The following TCAIM variants were observed in gnomAD, a reference collection of about 807,000 sequenced individuals.
TCAIM encodes the protein T cell activation inhibitor, mitochondrial.
TCAIM carries 36 observed loss-of-function variants against 58.6 expected under a neutral mutation model. The ratio of observed to expected loss-of-function variants is 0.61; its 90% CI spans 0.47 to 0.81. The LOEUF (loss-of-function observed/expected upper bound fraction) is 0.81, where lower values mean the gene tolerates loss of function less well. TCAIM is among the 30% of genes least tolerant of loss of function. The pLI, the probability that TCAIM is intolerant of heterozygous loss-of-function variation, is 0.00. For synonymous variants in TCAIM, 172 were observed against 193.6 expected, an observed-to-expected ratio of 0.89 and a Z score of 0.93; for missense variants, 466 against 579.6, an observed-to-expected ratio of 0.80 and a Z score of 2.01.
chr3:44,374,905 A>T (rs1403244638), intron 5 of TCAIM, among the ~76,000 whole-genome samples: 3 of 152,196 alleles, frequency 2.0e-5, no homozygotes, highest in African/African-American at 7.2e-5. Context: ...TTTTAACTTT[A>T]TTGTAATTTG....
At position 44,372,344 on chromosome 3, in the gene TCAIM, C is replaced by G. The variant is rs570708544; in HGVS notation, c.572+4636C>G. Among the ~76,000 whole-genome samples the G allele has an allele frequency of 2.3e-4, 35 of 152,300 alleles. 1 individual carries two copies. In the Middle Eastern group the frequency reaches 0.024, roughly 104 times the overall value. Reference sequence around the variant, plus strand: ...CAAGTGACTGCCTAGTAGAGAGATTCATGGTGCCTATAAGTCTACTAAAAC... The same window carrying G: ...CAAGTGACTGCCTAGTAGAGAGATTGATGGTGCCTATAAGTCTACTAAAAC... On this transcript the variant is annotated intron_variant, in intron 5 of 10. Transcript: ENST00000342649.
intron 5 of TCAIM, among the ~76,000 whole-genome samples, chr3:44,373,710 TA>T (rs1295238563): frequency 6.6e-6 from 1 of 152,094 alleles, no homozygotes; most frequent in East Asian, 1.9e-4. Context: ...GAAAATTATA[TA>T]AAATTATAAA....
chr3:44,378,128 C>T (rs1010459970), intron 5 of TCAIM, among the ~76,000 whole-genome samples: 1 of 152,114 alleles, frequency 6.6e-6, no homozygotes, highest in African/African-American at 2.4e-5. Flanking sequence ...CACCTGTAAT[C>T]CCAGCACTTT....
At chr3:44,401,121 C>A (rs1285094307) in intron 9 of TCAIM, 82 bp from the exon 10 acceptor site, 1 of 1,524,430 alleles carries the variant, frequency 6.6e-7, no homozygotes, top group Non-Finnish European at 8.8e-7. Context: ...TTTTTATTTT[C>A]CTGAAGACTA....
intron 5 of TCAIM, among the ~76,000 whole-genome samples, chr3:44,369,449 G>A (rs545836869): frequency 6.6e-6 from 1 of 152,322 alleles, no homozygotes; most frequent in South Asian, 2.1e-4. Context: ...GTTGGTCTGT[G>A]GTTCAGTTGA....
intron 1 of TCAIM, among the ~76,000 whole-genome samples, chr3:44,341,921 T>G (rs934881577): frequency 2.1e-4 from 32 of 152,308 alleles, no homozygotes; most frequent in African/African-American, 7.5e-4. Context: ...TAAATTAGAT[T>G]TCACCTTTTA....
chr3:44,375,792 AAT>A (rs1701556177), intron 5 of TCAIM, among the ~76,000 whole-genome samples: 1 of 152,220 alleles, frequency 6.6e-6, no homozygotes, highest in Non-Finnish European at 1.5e-5. Context: ...AATACTACAA[AAT>A]ATTAAACAGA....
chr3:44,364,997 A>G (rs1444384693), intron 4 of TCAIM, among the ~76,000 whole-genome samples: 1 of 152,180 alleles, frequency 6.6e-6, no homozygotes, highest in East Asian at 1.9e-4. Context: ...GGATATTTGC[A>G]GTGTGGTACA....
chr3:44,370,656 G>C (rs1365377262), intron 5 of TCAIM, among the ~76,000 whole-genome samples: 1 of 150,704 alleles, frequency 6.6e-6, no homozygotes, highest in Admixed American at 6.6e-5. Flanking sequence ...CATTACAGTA[G>C]ATAGGTTTTT....
At chr3:44,387,997 C>G (rs796593441) in intron 5 of TCAIM, among the ~76,000 whole-genome samples, 1 of 151,912 alleles carries the variant, frequency 6.6e-6, no homozygotes, top group Non-Finnish European at 1.5e-5. Flanking sequence ...TAACTTTGTA[C>G]CACATTTGCT....
Position 44,392,962 on chromosome 3 carries a change from A to C in TCAIM, c.680A>C (p.Gln227Pro), listed in dbSNP as rs1373202124. 2 of 1,611,376 alleles carry C rather than the reference A, an allele frequency of 1.2e-6. No homozygotes were observed. The highest frequency in any genetic ancestry group is 1.7e-6 in the Non-Finnish European group (2 of 1,178,954). ...AAAGATGAACTGTCTCATCAATTGC[A>C]ACTCTCAGATATCAGGTAAGAAAGA... The part of the protein sequence containing the change: ...RLKDELSHQL[Q>P]LSDIRWQRSW... Residue 227 changes from glutamine to proline, a missense_variant, in exon 6 of 11, where the codon CAA becomes CCA. Coordinates refer to ENST00000342649, the MANE Select transcript of TCAIM (RefSeq NM_173826.4).
chr3:44,395,340 C>T (rs1245188605), intron 6 of TCAIM, among the ~76,000 whole-genome samples: 2 of 151,988 alleles, frequency 1.3e-5, no homozygotes, highest in African/African-American at 2.4e-5. Context: ...AAAAGAAGAA[C>T]CTACGTTTCT....
intron 5 of TCAIM, among the ~76,000 whole-genome samples, chr3:44,386,643 A>G (rs577454629): frequency 9.2e-5 from 14 of 152,352 alleles, no homozygotes; most frequent in African/African-American, 3.4e-4. Flanking sequence ...GTGCAGAGCA[A>G]ATTTGTGGCA....
chr3:44,379,016 C>T (rs1007646250), intron 5 of TCAIM, among the ~76,000 whole-genome samples: 3 of 149,926 alleles, frequency 2.0e-5, no homozygotes, highest in African/African-American at 7.4e-5. Flanking sequence ...AAAAAATAGC[C>T]AGGCTTCATG....
chr3:44,388,519 T>A (rs1701780346), intron 5 of TCAIM, among the ~76,000 whole-genome samples: 1 of 152,240 alleles, frequency 6.6e-6, no homozygotes, highest in Admixed American at 6.5e-5. Flanking sequence ...AGGCATGTTA[T>A]GTTTATGTAA....
chr3:44,366,757 C>T (rs892195515), intron 4 of TCAIM, among the ~76,000 whole-genome samples: 7 of 151,720 alleles, frequency 4.6e-5, no homozygotes, highest in African/African-American at 9.7e-5. Context: ...TGAGCCACCG[C>T]GCCCGGCCTA....
intron 5 of TCAIM, among the ~76,000 whole-genome samples, chr3:44,374,351 A>G (rs1226966953): frequency 1.4e-5 from 2 of 147,888 alleles, no homozygotes; most frequent in African/African-American, 5.0e-5. Context: ...TTTAAGTATT[A>G]TTTCTCAAAA....
At chr3:44,395,957 C>T (rs987013210) in intron 6 of TCAIM, among the ~76,000 whole-genome samples, 2 of 152,176 alleles carry the variant, frequency 1.3e-5, no homozygotes, top group Non-Finnish European at 1.5e-5. Context: ...ACTGCACTCC[C>T]GCCTGGGCGA....
At chr3:44,399,918 C>T (rs530130994) in intron 8 of TCAIM, among the ~76,000 whole-genome samples, 2 of 152,226 alleles carry the variant, frequency 1.3e-5, no homozygotes, top group African/African-American at 4.8e-5. Flanking sequence ...ATGGTAGGTG[C>T]GCAATCATAT....
Sources: allele counts gnomAD v4.1 joint callset (sites outside exome capture counted in the v4.1 genomes callset), GRCh38; gene constraint gnomAD v4.1.1; transcripts MANE v1.5; gene names NCBI Gene and HGNC (gene_info 2026-07-23, HGNC 2026-07-21).